Variants in CCDC171 observed in about 807,000 individuals in gnomAD.
CCDC171 encodes coiled-coil domain-containing protein 171.
Under a neutral mutation model 168.2 loss-of-function variants are expected in CCDC171, and 177 were observed. The observed-to-expected ratio is 1.05, with a 90% CI of 0.93 to 1.19. The LOEUF (loss-of-function observed/expected upper bound fraction) is 1.19. Among genes scored for constraint, CCDC171 ranks in the 50% most tolerant of loss-of-function variants. The probability of loss-of-function intolerance (pLI) is 0.00; values close to 1 mark genes in which losing one functional copy is unlikely to be tolerated. For missense variants in CCDC171, 1,991 were observed against 1,539.0 expected (o/e 1.29, Z -4.91); for synonymous variants, 687 against 540.8 (o/e 1.27, Z -3.75).
intron 11 of CCDC171, among the ~76,000 whole-genome samples, chr9:15,715,916 ACCT>A (rs1447186465): frequency 2.6e-5 from 4 of 152,158 alleles, no homozygotes; most frequent in African/African-American, 9.7e-5. Context: ...TTTCTACTCC[ACCT>A]CCTCCTGTGG....
chr9:16,003,437 G>A (rs753881212), intron 3 of CCDC171, among the ~76,000 whole-genome samples: 19 of 152,286 alleles, frequency 1.2e-4, no homozygotes, highest in Middle Eastern at 3.4e-3. Context: ...GATTGGAGAA[G>A]TTAGAGAAAC....
chr9:15,979,164 T>C (rs1166442168), intron 3 of CCDC171, among the ~76,000 whole-genome samples: 2 of 152,190 alleles, frequency 1.3e-5, no homozygotes, highest in African/African-American at 4.8e-5. Context: ...TATTTCCAGC[T>C]TTTTAATTCA....
chr9:15,783,678 T>C (rs2057784088), intron 20 of CCDC171, among the ~76,000 whole-genome samples: 1 of 152,206 alleles, frequency 6.6e-6, no homozygotes, highest in Non-Finnish European at 1.5e-5. Context: ...GAACAGGAGA[T>C]AATACAAGCT....
At chr9:15,607,457 A>G (rs1404047633) in intron 6 of CCDC171, among the ~76,000 whole-genome samples, 2 of 151,442 alleles carry the variant, frequency 1.3e-5, no homozygotes, top group African/African-American at 4.9e-5. Flanking sequence ...TCAAACTTAT[A>G]TTTTTCACTT....
chr9:15,811,405 G>GT (rs1204675196), intron 21 of CCDC171, among the ~76,000 whole-genome samples: 22 of 151,974 alleles, frequency 1.4e-4, no homozygotes, highest in South Asian at 1.3e-3. Flanking sequence ...AAAGGCTTGG[G>GT]TTTTTTTTCT....
intron 4 of CCDC171, among the ~76,000 whole-genome samples, chr9:15,589,991 A>G (rs1345400454): frequency 6.6e-6 from 1 of 152,202 alleles, no homozygotes; most frequent in Admixed American, 6.5e-5. Flanking sequence ...AGTCTATTGA[A>G]TATTTACCGT....
At chr9:15,635,172 G>C (rs1200440907) in intron 7 of CCDC171, among the ~76,000 whole-genome samples, 1 of 152,088 alleles carries the variant, frequency 6.6e-6, no homozygotes, top group Non-Finnish European at 1.5e-5. Flanking sequence ...TCCACAATAG[G>C]CCATCTGCAA....
chr9:16,095,869 CATATATATATATATAT>C, the CCDC171 span, among the ~76,000 whole-genome samples: 7 of 123,846 alleles, frequency 5.7e-5, no homozygotes, highest in East Asian at 2.4e-4. Flanking sequence ...CACATAGGCA[CATATATATATATATAT>C]ATATATATAT....
chr9:15,723,157 A>T (rs1259391943), intron 12 of CCDC171, among the ~76,000 whole-genome samples: 1 of 152,206 alleles, frequency 6.6e-6, no homozygotes, highest in Non-Finnish European at 1.5e-5. Flanking sequence ...CAAAGAAAAT[A>T]AATCACAAGC....
the CCDC171 span, among the ~76,000 whole-genome samples, chr9:16,069,447 AC>A: frequency 2.6e-5 from 4 of 152,166 alleles, no homozygotes; most frequent in Non-Finnish European, 5.9e-5. Flanking sequence ...GTGCGTGGAG[AC>A]CATATGCACG....
chr9:15,591,091 C>G (rs2131458290), intron 4 of CCDC171, among the ~76,000 whole-genome samples: 1 of 152,058 alleles, frequency 6.6e-6, no homozygotes, highest in South Asian at 2.1e-4. Flanking sequence ...TTGGATATGC[C>G]TTCAGAAATA....
the CCDC171 span, among the ~76,000 whole-genome samples, chr9:16,093,454 C>T: frequency 4.6e-5 from 7 of 152,346 alleles, no homozygotes; most frequent in African/African-American, 1.2e-4. Flanking sequence ...CTTCCACTAA[C>T]ATTTCTTTTG....
At chr9:16,103,830 C>T in the CCDC171 span, among the ~76,000 whole-genome samples, 1 of 152,166 alleles carries the variant, frequency 6.6e-6, no homozygotes, top group South Asian at 2.1e-4. Flanking sequence ...GACGCATGGA[C>T]TCCGGGGGGG....
chr9:15,737,253 A>G (rs1440287558), intron 16 of CCDC171, among the ~76,000 whole-genome samples: 6 of 152,164 alleles, frequency 3.9e-5, no homozygotes, highest in African/African-American at 1.2e-4. Flanking sequence ...AAAGAGGTAT[A>G]CTATATATTT....
At chr9:15,922,938 G>T (rs1825512865) in intron 25 of CCDC171, among the ~76,000 whole-genome samples, 1 of 151,224 alleles carries the variant, frequency 6.6e-6, no homozygotes, top group African/African-American at 2.4e-5. Context: ...ATTGTTAGAG[G>T]TCCTTACTTA....
intron 25 of CCDC171, among the ~76,000 whole-genome samples, chr9:15,930,356 A>G (rs1414673241): frequency 6.6e-6 from 1 of 151,574 alleles, no homozygotes; most frequent in Non-Finnish European, 1.5e-5. Context: ...TTTTAAGTAA[A>G]TACTTTTAAA....
chr9:15,728,843 C>G (rs558806775), intron 15 of CCDC171, among the ~76,000 whole-genome samples: 1 of 151,372 alleles, frequency 6.6e-6, no homozygotes, highest in Non-Finnish European at 1.5e-5. Context: ...AAAACTGTCC[C>G]GTAAGTTAAA....
chr9:15,730,039 C>G (rs887203388), intron 16 of CCDC171, among the ~76,000 whole-genome samples: 1 of 151,870 alleles, frequency 6.6e-6, no homozygotes, highest in Non-Finnish European at 1.5e-5. Flanking sequence ...TAAAATATCC[C>G]AAAATGCATT....
chr9:16,103,141 C>T, the CCDC171 span, among the ~76,000 whole-genome samples: 1 of 152,184 alleles, frequency 6.6e-6, no homozygotes, highest in Non-Finnish European at 1.5e-5. Context: ...TGCAAGATGG[C>T]CCCTTCCATC....
Sources: allele counts gnomAD v4.1 joint callset (sites outside exome capture counted in the v4.1 genomes callset), GRCh38; gene constraint gnomAD v4.1.1; transcripts MANE v1.5; gene names NCBI Gene and HGNC (gene_info 2026-07-23, HGNC 2026-07-21).